The following TMEM63A variants were observed in gnomAD, a reference collection of about 807,000 sequenced individuals.
TMEM63A encodes transmembrane protein 63A.
In TMEM63A, 76 loss-of-function variants were observed where a neutral mutation model predicts 100.6. The ratio of observed to expected loss-of-function variants is 0.76; its 90% CI spans 0.63 to 0.91. TMEM63A has a LOEUF of 0.91. TMEM63A is among the 40% of genes least tolerant of loss of function. TMEM63A has a pLI of 0.00. For missense variants in TMEM63A, 876 were observed against 1,008.8 expected (o/e 0.87, Z 1.78); for synonymous variants, 401 against 401.1 (o/e 1.00, Z 0.00).
In TMEM63A at chr1:225,867,256, G is replaced by T; in HGVS notation, c.515-93C>A. 1 of 1,267,108 alleles carries T rather than the reference G, an allele frequency of 7.9e-7. No individual in the cohort carries two copies. The highest frequency in any genetic ancestry group is 1.2e-6 in the Non-Finnish European group (1 of 865,442). The allele number at this position is 1,267,108 out of a possible 1,614,324, so 78.5% of individuals were successfully genotyped here. ...GCCTTGGTTTGTGGAGCTCTGGGGA[G>T]GAGGAGCATGTCTGGACCAGCAGGA... On this transcript the variant is annotated intron_variant, in intron 7 of 24. Coordinates refer to ENST00000366835, the MANE Select transcript of TMEM63A (RefSeq NM_014698.3). This position sits in a 1 kb window ranked among gnomAD's most constrained non-coding sequence, Gnocchi z 4.6.
rs532770546 is a variant in TMEM63A at position 225,878,591 on chromosome 1, C to T, written c.-15+629G>A. 5.9e-5 allele frequency among the ~76,000 whole-genome samples: 9 copies of T among 152,248 alleles called. No homozygotes were observed. In the South Asian group the frequency reaches 8.3e-4, roughly 14 times the overall value. ...CACCAGAGGACCGGGAGTTAGTGTC[C>T]AAGTTCTCATGCTGTGGCTGAAGGG... On this transcript the variant is annotated intron_variant, in intron 2 of 24. Transcript: ENST00000366835.
chr1:225,870,148 G>C (rs1478628556), intron 6 of TMEM63A, among the ~76,000 whole-genome samples: 1 of 151,910 alleles, frequency 6.6e-6, no homozygotes, highest in African/African-American at 2.4e-5. Context: ...TCGGGAGTTG[G>C]AGATCCGCGT....
downstream of TMEM63A, among the ~76,000 whole-genome samples, chr1:225,841,375 C>A (rs1356152096): frequency 6.6e-6 from 1 of 151,996 alleles, no homozygotes; most frequent in Non-Finnish European, 1.5e-5. Context: ...CTCCGCCTCC[C>A]AGGTTCAAGC....
At chr1:225,846,982 C>T in intron 24 of TMEM63A, 50 bp from the exon 25 acceptor site, 1 of 1,541,578 alleles carries the variant, frequency 6.5e-7, no homozygotes, top group Non-Finnish European at 8.7e-7. Flanking sequence ...GCCGCTTCAC[C>T]TGTCTTCTCA....
At chr1:225,868,556 C>T (rs1389739372) in intron 6 of TMEM63A, among the ~76,000 whole-genome samples, 1 of 151,670 alleles carries the variant, frequency 6.6e-6, no homozygotes, top group African/African-American at 2.4e-5. Context: ...TGTGGTGGCA[C>T]ATGCCTATAA....
In TMEM63A at chr1:225,855,957, C is replaced by T. The variant is rs12091106; in HGVS notation, c.1572-17G>A. 3.1e-6 allele frequency: 5 copies of T among 1,613,374 alleles called. No homozygotes were observed. In the South Asian group the frequency reaches 4.4e-5, roughly 14 times the overall value. ...AAATCTAGACTGAAAAACAAAGGAA[C>T]CCCCTAAGAGTTTATTTCCAGCATT... On this transcript the variant is annotated splice_polypyrimidine_tract_variant and intron_variant, in intron 17 of 24. Transcript: ENST00000366835.
At chr1:225,857,531 T>C (rs1019511641) in intron 15 of TMEM63A, among the ~76,000 whole-genome samples, 42 of 151,422 alleles carry the variant, frequency 2.8e-4, no homozygotes, top group Admixed American at 2.0e-4. Context: ...TAGATGAACA[T>C]AAAAATAGAG....
chr1:225,867,916 C>T lies in TMEM63A; in HGVS notation c.486G>A (p.Leu162=). The change falls in exon 7 of 25, where the codon CTG becomes CTA. Residue 162 remains leucine (L), a synonymous_variant. Coordinates refer to ENST00000366835, the MANE Select transcript of TMEM63A (RefSeq NM_014698.3). The surrounding 1 kb of genome is among the most constrained non-coding windows in gnomAD (Gnocchi z 4.6). ...GCAAGTCCCCTGAGAGGTTGACAGG[C>T]AGGATGACACACAGGGACAAAAAGC... ...VVSFLSLCVI[L]PVNLSGDLLD... 1 of 1,614,122 alleles carries T rather than the reference C, an allele frequency of 6.2e-7. No individual in the cohort carries two copies. The highest frequency in any genetic ancestry group is 8.5e-7 in the Non-Finnish European group (1 of 1,180,032).
chr1:225,878,887 CACA>C (rs1418640697), intron 2 of TMEM63A, among the ~76,000 whole-genome samples: 2 of 30,116 alleles, frequency 6.6e-5, no homozygotes, highest in Admixed American at 7.2e-4. Flanking sequence ...TACCTACCTA[CACA>C]CACACACACA....
At chr1:225,871,484 TA>T in intron 5 of TMEM63A, 1 of 234,528 alleles carries the variant, frequency 4.3e-6, no homozygotes. Context: ...GAGTGGGTGT[TA>T]GGGGGAAAGG....
chr1:225,880,226 C>G (rs927520984), intron 1 of TMEM63A, among the ~76,000 whole-genome samples: 1 of 152,182 alleles, frequency 6.6e-6, no homozygotes, highest in South Asian at 2.1e-4. Flanking sequence ...TAGGGTAGAG[C>G]TCTGGGGACC....
chr1:225,859,185 C>T lies in TMEM63A; in HGVS notation c.1377+11G>A, dbSNP rs185954948. 334 of 1,614,062 alleles carry T rather than the reference C, an allele frequency of 2.1e-4. No individual in the cohort carries two copies. Among genetic ancestry groups the T allele is most frequent in the Admixed American group, 1.4e-3 (83 of 60,010 alleles). On this transcript the variant is annotated intron_variant, in intron 15 of 24. Coordinates refer to ENST00000366835, the MANE Select transcript of TMEM63A (RefSeq NM_014698.3). The stretch of plus-strand genomic sequence containing the variant: ...CTATCCTGGGAGGGGCCTTGCAGAA[C>T]AGTTACTCACATTCAGCGCATGGAT...
downstream of TMEM63A, chr1:225,842,287 G>A: frequency 9.1e-7 from 1 of 1,101,646 alleles, no homozygotes; most frequent in Non-Finnish European, 1.4e-6. Context: ...TCTGCGGCCA[G>A]TGCCACACAT....
In TMEM63A at chr1:225,867,025, G is replaced by T; in HGVS notation, c.566+87C>A. On this transcript the variant is annotated intron_variant, in intron 8 of 24. Transcript: ENST00000366835. This position sits in a 1 kb window ranked among gnomAD's most constrained non-coding sequence, Gnocchi z 4.6. ...TTCAGATACCAGCCGGCCCCCTTTG[G>T]AGTACCTCTGGCCTGCCCCGGGCTC... The T allele has an allele frequency of 7.1e-7, 1 of 1,412,750 alleles. No homozygotes were observed. The highest frequency in any genetic ancestry group is 1.7e-5 in the Admixed American group (1 of 59,694). The allele number at this position is 1,412,750 out of a possible 1,614,324, so 87.5% of individuals were successfully genotyped here. A position where few individuals can be genotyped will look rare whatever the true frequency, so the allele number is the denominator to read the frequency against.
chr1:225,842,141 GGA>G (rs1414987702), downstream of TMEM63A, among the ~76,000 whole-genome samples: 6 of 152,242 alleles, frequency 3.9e-5, no homozygotes, highest in Admixed American at 3.3e-4. Flanking sequence ...CCAGGCCCTG[GGA>G]GACAGTGGGA....
At chr1:225,850,781 G>A (rs566558653) in intron 20 of TMEM63A, among the ~76,000 whole-genome samples, 91 of 152,118 alleles carry the variant, frequency 6.0e-4, no homozygotes, top group African/African-American at 2.0e-3. Flanking sequence ...GTGCGATCTC[G>A]GCTCACTGCA....
intron 13 of TMEM63A, chr1:225,861,938 G>A (rs1669959865): frequency 2.0e-6 from 1 of 511,352 alleles, no homozygotes; most frequent in South Asian, 2.2e-5. Flanking sequence ...AGGGCAGCAG[G>A]GAAGAGCCCA....
At chr1:225,850,419 G>A (rs1256717199) in intron 20 of TMEM63A, among the ~76,000 whole-genome samples, 1 of 152,188 alleles carries the variant, frequency 6.6e-6, no homozygotes, top group Non-Finnish European at 1.5e-5. Context: ...GAAGGCAGCT[G>A]AATTCTCTTA....
chr1:225,876,653 TTTGG>T (rs67337974), intron 3 of TMEM63A, among the ~76,000 whole-genome samples: 74,476 of 146,422 alleles, frequency 0.51, 20,097 homozygotes, highest in Non-Finnish European at 0.61. Flanking sequence ...TTTTTGTTTT[TTTGG>T]TTTTTTTTGA....
Sources: gnomAD v4.1 joint callset for allele counts (sites outside exome capture counted in the v4.1 genomes callset) on GRCh38, gnomAD v4.1.1 for gene constraint, Gnocchi (gnomAD v3.1) non-coding constraint, MANE v1.5 for transcripts, NCBI Gene and HGNC (gene_info 2026-07-23, HGNC 2026-07-21) for gene names.